Variants in ARHGAP35 observed in about 807,000 individuals in gnomAD.
ARHGAP35 encodes the protein rho GTPase-activating protein 35.
A neutral mutation model predicts 111.1 loss-of-function variants in ARHGAP35; 15 were observed. The observed-to-expected ratio is 0.13, with a 90% CI of 0.09 to 0.21. The LOEUF (loss-of-function observed/expected upper bound fraction) is 0.21. Ranked by LOEUF, ARHGAP35 falls within the 10% of genes least tolerant of loss-of-function variation. The probability of loss-of-function intolerance (pLI) is 1.00; values close to 1 mark genes in which losing one functional copy is unlikely to be tolerated. For missense variants in ARHGAP35, 1,262 were observed against 1,873.0 expected (o/e 0.67, Z 6.02); for synonymous variants, 643 against 710.3 (o/e 0.91, Z 1.51).
At chr19:46,900,108 G>A (rs1459297746) in intron 1 of ARHGAP35, among the ~76,000 whole-genome samples, 1 of 152,036 alleles carries the variant, frequency 6.6e-6, no homozygotes, top group Admixed American at 6.5e-5. Context: ...ACTTCTCTGG[G>A]ATAATGCCTT....
At chr19:46,907,286 A>C (rs1237261140) in intron 1 of ARHGAP35, among the ~76,000 whole-genome samples, 1 of 151,212 alleles carries the variant, frequency 6.6e-6, no homozygotes, top group Non-Finnish European at 1.5e-5. Flanking sequence ...GGCTGGGACT[A>C]CAGGCGCCCG....
intron 1 of ARHGAP35, among the ~76,000 whole-genome samples, chr19:46,902,240 C>G (rs1222385595): frequency 6.6e-6 from 1 of 152,064 alleles, no homozygotes; most frequent in Non-Finnish European, 1.5e-5. Flanking sequence ...GTAGAGGCAG[C>G]CTTTAATAAA....
At chr19:46,898,106 G>A (rs908492486) in intron 1 of ARHGAP35, among the ~76,000 whole-genome samples, 7 of 152,246 alleles carry the variant, frequency 4.6e-5, no homozygotes, top group African/African-American at 9.6e-5. Flanking sequence ...GCCGGGCATG[G>A]TGGCGCATGC....
intron 3 of ARHGAP35, among the ~76,000 whole-genome samples, chr19:46,968,892 T>A (rs906453406): frequency 1.6e-4 from 24 of 152,110 alleles, no homozygotes; most frequent in African/African-American, 5.1e-4. Flanking sequence ...TTCAAGACCA[T>A]CCTGGCCAAC....
At chr19:46,996,170 C>T (rs891969842) in intron 5 of ARHGAP35, among the ~76,000 whole-genome samples, 1 of 152,210 alleles carries the variant, frequency 6.6e-6, no homozygotes, top group African/African-American at 2.4e-5. Context: ...GTGGCACGAT[C>T]TTGGCTCACT....
chr19:47,000,336 G>C lies in ARHGAP35; in HGVS notation c.4148G>C (p.Ser1383Thr), dbSNP rs752336832. 1 of 1,613,520 alleles carries C rather than the reference G, an allele frequency of 6.2e-7. No individual in the cohort carries two copies. Among genetic ancestry groups the C allele is most frequent in the Non-Finnish European group, 8.5e-7 (1 of 1,179,716 alleles). ...GAGTTTGGTGTCGCCCGCAGGGTCA[G>C]CCACAACAACAAGGTGAATCTCATG... ...KYVISHLNKVSHNNKVNLMTS... is the reference protein window; with the variant it reads ...KYVISHLNKVTHNNKVNLMTS... The change falls in exon 7 of 7, where the codon AGC (serine) becomes ACC (threonine). Residue 1383 changes from serine to threonine, a missense_variant. Physicochemically the swap from Ser to Thr is moderately conservative, Grantham distance 58. This residue lies in a region of ARHGAP35 where 50 missense variants were observed against 60.5 expected (regional missense o/e 0.83). Transcript: ENST00000672722. The surrounding 1 kb of genome is among the most constrained non-coding windows in gnomAD (Gnocchi z 6.9).
intron 3 of ARHGAP35, among the ~76,000 whole-genome samples, chr19:46,970,175 C>T (rs2056537630): frequency 6.6e-6 from 1 of 152,216 alleles, no homozygotes; most frequent in South Asian, 2.1e-4. Flanking sequence ...AAGATCTCAT[C>T]TTGGCTTAAG....
chr19:46,915,389 A>C (rs968794950), intron 1 of ARHGAP35, among the ~76,000 whole-genome samples: 2 of 152,164 alleles, frequency 1.3e-5, no homozygotes, highest in Non-Finnish European at 2.9e-5. Context: ...TAGTTTTTGC[A>C]TACTACGTCT....
In ARHGAP35 at chr19:46,922,947, T is replaced by G. The variant is rs1469550156; in HGVS notation, c.3681+591T>G. Among the ~76,000 whole-genome samples the G allele has an allele frequency of 6.6e-6, 1 of 152,172 alleles. No individual in the cohort carries two copies. Among genetic ancestry groups the G allele is most frequent in the Non-Finnish European group, 1.5e-5 (1 of 68,026 alleles). On this transcript the variant is annotated intron_variant, in intron 2 of 6. Transcript: ENST00000672722. This position sits in a 1 kb window ranked among gnomAD's most constrained non-coding sequence, Gnocchi z 4.0. ...TTGGAATACCATCCAGTCTATTATT[T>G]TATCTTCAAGGGAGTTGCTGCTGCT...
chr19:46,861,767 T>C (rs2055829664), intron 1 of ARHGAP35, among the ~76,000 whole-genome samples: 1 of 152,140 alleles, frequency 6.6e-6, no homozygotes, highest in East Asian at 1.9e-4. Flanking sequence ...CTATTATTCC[T>C]GTCTCAGAAT....
At chr19:46,892,246 G>A (rs907959515) in intron 1 of ARHGAP35, among the ~76,000 whole-genome samples, 8 of 149,874 alleles carry the variant, frequency 5.3e-5, no homozygotes, top group African/African-American at 2.0e-4. Context: ...AAAGGTTGCA[G>A]TGAGCCGAGA....
chr19:46,979,789 T>G (rs946246247), intron 3 of ARHGAP35, among the ~76,000 whole-genome samples: 1 of 152,148 alleles, frequency 6.6e-6, no homozygotes, highest in Non-Finnish European at 1.5e-5. Context: ...TTAGTGGCCT[T>G]CTATCATGGG....
At position 46,999,826 on chromosome 19, in the gene ARHGAP35, G is replaced by T; in HGVS notation, c.4142+417G>T. On this transcript the variant is annotated intron_variant, in intron 6 of 6. Transcript: ENST00000672722. This position sits in a 1 kb window ranked among gnomAD's most constrained non-coding sequence, Gnocchi z 5.4. ...TCCTCTCACAGCATTCACGTTCCCA[G>T]CTGGGGAGAACCGGGACACTGCACC... 4.6e-6 allele frequency: 1 copy of T among 218,640 alleles called. No individual in the cohort carries two copies. The highest frequency in any genetic ancestry group is 9.0e-6 in the Non-Finnish European group (1 of 110,738). The allele number at this position is 218,640 out of a possible 1,614,324, so 13.5% of individuals were successfully genotyped here.
chr19:46,862,607 C>T (rs924638469), intron 1 of ARHGAP35, among the ~76,000 whole-genome samples: 1 of 152,158 alleles, frequency 6.6e-6, no homozygotes, highest in Admixed American at 6.5e-5. Context: ...TCTGCTCCAT[C>T]CTCTTTATTT....
intron 3 of ARHGAP35, among the ~76,000 whole-genome samples, chr19:46,957,284 A>G (rs2056445284): frequency 6.6e-6 from 1 of 152,166 alleles, no homozygotes; most frequent in East Asian, 1.9e-4. Context: ...TAACACTGCT[A>G]TTCAAATGGT....
Position 46,861,055 on chromosome 19 carries a change from A to G in ARHGAP35, c.-343A>G, listed in dbSNP as rs918183905. Among the ~76,000 whole-genome samples, 1 of 148,724 alleles carries G rather than the reference A, an allele frequency of 6.7e-6. No homozygotes were observed. Among genetic ancestry groups the G allele is most frequent in the Non-Finnish European group, 1.5e-5 (1 of 66,672 alleles). ...GGAGGTGGAGGAGGCGGAGGAGGGA[A>G]CCCGCGAGGGAGGGTCCGCCCGGCC... On this transcript the variant is annotated 5_prime_UTR_variant, in exon 1 of 7. Coordinates refer to ENST00000672722, the MANE Select transcript of ARHGAP35 (RefSeq NM_004491.5).
At chr19:46,950,784 T>C (rs1416289730) in intron 3 of ARHGAP35, among the ~76,000 whole-genome samples, 1 of 152,226 alleles carries the variant, frequency 6.6e-6, no homozygotes, top group African/African-American at 2.4e-5. Flanking sequence ...TGCACACATC[T>C]TGATGACCCC....
At chr19:46,876,922 TCA>T (rs954125227) in intron 1 of ARHGAP35, among the ~76,000 whole-genome samples, 3 of 152,294 alleles carry the variant, frequency 2.0e-5, no homozygotes, top group South Asian at 2.1e-4. Context: ...ATAAAGCCAG[TCA>T]CACGAAGTTT....
Position 46,919,297 on chromosome 19 carries a change from C to T in ARHGAP35, c.622C>T (p.Arg208Trp), listed in dbSNP as rs1388882878. The change falls in exon 2 of 7, where the codon CGG becomes TGG. Residue 208 changes from arginine (R) to tryptophan (W), a missense_variant. Coordinates refer to ENST00000672722, the MANE Select transcript of ARHGAP35 (RefSeq NM_004491.5). This position sits in a 1 kb window ranked among gnomAD's most constrained non-coding sequence, Gnocchi z 6.2. ...VLTKCDEGVERYIRDAHTFAL... is the reference protein window; with the variant it reads ...VLTKCDEGVEWYIRDAHTFAL... ...GACTAAGTGTGACGAAGGTGTTGAG[C>T]GGTACATTAGAGATGCACATACTTT... The T allele has an allele frequency of 6.8e-6, 11 of 1,613,812 alleles. No individual in the cohort carries two copies. Among genetic ancestry groups the T allele is most frequent in the African/African-American group, 1.3e-5 (1 of 74,908 alleles).
Sources: allele counts gnomAD v4.1 joint callset (sites outside exome capture counted in the v4.1 genomes callset), GRCh38; gene constraint gnomAD v4.1.1; regional missense constraint gnomAD v4.1.1; non-coding constraint Gnocchi (gnomAD v3.1); transcripts MANE v1.5; gene names NCBI Gene and HGNC (gene_info 2026-07-23, HGNC 2026-07-21).